The following TRERF1 variants were observed in gnomAD, a reference collection of about 807,000 sequenced individuals.
TRERF1 encodes the protein transcriptional regulating factor 1.
In TRERF1, 27 loss-of-function variants were observed where a neutral mutation model predicts 122.9. That is an observed-to-expected ratio of 0.22 (90% confidence interval 0.16 to 0.30). TRERF1 has a LOEUF of 0.30. TRERF1 is among the 10% of genes least tolerant of loss of function. TRERF1 has a pLI of 1.00. For synonymous variants in TRERF1, 636 were observed against 641.7 expected, an observed-to-expected ratio of 0.99 and a Z score of 0.13; for missense variants, 1,248 against 1,560.3, an observed-to-expected ratio of 0.80 and a Z score of 3.37.
intron 4 of TRERF1, among the ~76,000 whole-genome samples, chr6:42,277,157 G>C (rs1781281605): frequency 3.3e-5 from 5 of 152,170 alleles, no homozygotes; most frequent in Admixed American, 2.6e-4. Flanking sequence ...AGAGAAGTGG[G>C]AGCTGCAGGA....
intron 2 of TRERF1, among the ~76,000 whole-genome samples, chr6:42,410,057 G>A (rs1432133194): frequency 2.0e-5 from 3 of 151,988 alleles, no homozygotes; most frequent in Non-Finnish European, 4.4e-5. Context: ...TAGGTATTCC[G>A]ATTTTTATGA....
At chr6:42,337,367 C>T (rs576985473) in intron 3 of TRERF1, among the ~76,000 whole-genome samples, 2 of 152,312 alleles carry the variant, frequency 1.3e-5, no homozygotes, top group African/African-American at 2.4e-5. Context: ...GTTCTAATAC[C>T]GCTCCTGATC....
At chr6:42,230,259 T>C (rs1165729994) in intron 17 of TRERF1, among the ~76,000 whole-genome samples, 2 of 152,134 alleles carry the variant, frequency 1.3e-5, no homozygotes, top group Non-Finnish European at 2.9e-5. Context: ...ATTTGCCTAA[T>C]GTTATTTTGA....
At chr6:42,394,481 A>G (rs1486138796) in intron 2 of TRERF1, among the ~76,000 whole-genome samples, 3 of 152,162 alleles carry the variant, frequency 2.0e-5, no homozygotes, top group Non-Finnish European at 4.4e-5. Context: ...TCATTCTAAT[A>G]CCTAGTCATT....
At chr6:42,306,702 C>T (rs770649964) in intron 3 of TRERF1, among the ~76,000 whole-genome samples, 2 of 152,210 alleles carry the variant, frequency 1.3e-5, no homozygotes, top group East Asian at 1.9e-4. Context: ...CTTTTCCCAG[C>T]TCTCCTCTCA....
chr6:42,409,970 T>C (rs766328494), intron 2 of TRERF1, among the ~76,000 whole-genome samples: 5 of 152,248 alleles, frequency 3.3e-5, no homozygotes, highest in Non-Finnish European at 5.9e-5. Flanking sequence ...AGTATTTTTC[T>C]ACATCCACTG....
chr6:42,365,969 A>G (rs1349071764), intron 2 of TRERF1, among the ~76,000 whole-genome samples: 1 of 152,182 alleles, frequency 6.6e-6, no homozygotes, highest in Non-Finnish European at 1.5e-5. Context: ...TAAATGGTGC[A>G]CATCTCCTTC....
chr6:42,405,178 T>A (rs900953646), intron 2 of TRERF1, among the ~76,000 whole-genome samples: 1 of 152,116 alleles, frequency 6.6e-6, no homozygotes, highest in Admixed American at 6.5e-5. Context: ...ACTCAAAGTC[T>A]TACAATTGGG....
intron 10 of TRERF1, among the ~76,000 whole-genome samples, chr6:42,257,337 T>A (rs1392302640): frequency 1.3e-5 from 2 of 152,208 alleles, no homozygotes; most frequent in Admixed American, 6.5e-5. Context: ...GCCTGGGGCT[T>A]TTACAGCTCC....
chr6:42,408,227 A>ATATG lies in TRERF1; in HGVS notation c.-454+42949_-454+42950insCATA, dbSNP rs150915297. 1.9e-3 allele frequency among the ~76,000 whole-genome samples: 218 copies of ATATG among 116,678 alleles called. 2 individuals are homozygous for ATATG. Among genetic ancestry groups the ATATG allele is most frequent in the South Asian group, 4.8e-3 (18 of 3,724 alleles). The allele number at this position is 116,678 out of a possible 152,430, so 76.5% of individuals were successfully genotyped here. On this transcript the variant is annotated intron_variant, in intron 2 of 17. Transcript: ENST00000372922. ...TATAAATAAATATATATATATATATATGTGTGTGTGTATGTATATATACAT... is the reference window on the plus strand; with the variant it reads ...TATAAATAAATATATATATATATATATATGTGTGTGTGTGTATGTATATATACAT...
chr6:42,317,782 CTTT>C (rs1433626491), intron 3 of TRERF1, among the ~76,000 whole-genome samples: 1 of 150,924 alleles, frequency 6.6e-6, no homozygotes, highest in Non-Finnish European at 1.5e-5. Context: ...TTTTGCTAAA[CTTT>C]TTAAGATATA....
chr6:42,226,581 A>G (rs1769557325), exon 18 of TRERF1: 1 of 152,256 alleles, frequency 6.6e-6, no homozygotes, highest in Non-Finnish European at 1.5e-5. Flanking sequence ...GAAAACGCCA[A>G]GACCTCTTTG....
chr6:42,387,601 G>C (rs770659344), intron 2 of TRERF1, among the ~76,000 whole-genome samples: 1 of 152,182 alleles, frequency 6.6e-6, no homozygotes, highest in Admixed American at 6.5e-5. Context: ...AAATGCACTC[G>C]CTCTGTTCAT....
At chr6:42,409,562 G>C (rs777050374) in intron 2 of TRERF1, among the ~76,000 whole-genome samples, 1 of 152,142 alleles carries the variant, frequency 6.6e-6, no homozygotes, top group Non-Finnish European at 1.5e-5. Flanking sequence ...ATAAACTTTG[G>C]AATGCTGACC....
chr6:42,377,609 G>A (rs1489446516), intron 2 of TRERF1, among the ~76,000 whole-genome samples: 1 of 152,212 alleles, frequency 6.6e-6, no homozygotes, highest in Non-Finnish European at 1.5e-5. Context: ...CAGCATCCGT[G>A]GGGCTGCTTG....
intron 2 of TRERF1, among the ~76,000 whole-genome samples, chr6:42,394,817 G>A (rs1581977305): frequency 6.6e-6 from 1 of 152,022 alleles, no homozygotes; most frequent in Non-Finnish European, 1.5e-5. Flanking sequence ...AAAGGAGGGG[G>A]AAACCTCAGC....
chr6:42,257,190 G>A, intron 10 of TRERF1, 88 bp from the exon 11 acceptor site: 32 of 1,486,954 alleles, frequency 2.2e-5, no homozygotes, highest in Non-Finnish European at 2.8e-5. Context: ...GAAAAAGAAG[G>A]AAACTAGTTC....
intron 2 of TRERF1, among the ~76,000 whole-genome samples, chr6:42,433,196 G>C (rs1056921663): frequency 1.3e-5 from 2 of 152,056 alleles, no homozygotes; most frequent in African/African-American, 2.4e-5. Flanking sequence ...AGGCAAAACA[G>C]AAAGCAGTAA....
intron 3 of TRERF1, among the ~76,000 whole-genome samples, chr6:42,302,096 T>C (rs1361360037): frequency 6.6e-6 from 1 of 152,100 alleles, no homozygotes; most frequent in Non-Finnish European, 1.5e-5. Context: ...ACCCTAACTA[T>C]GGCAACCCCG....
Sources: gnomAD v4.1 joint callset for allele counts (sites outside exome capture counted in the v4.1 genomes callset) on GRCh38, gnomAD v4.1.1 for gene constraint, MANE v1.5 for transcripts, NCBI Gene and HGNC (gene_info 2026-07-23, HGNC 2026-07-21) for gene names.